PRR16: variants seen among roughly 807,000 people sequenced by gnomAD.
PRR16 encodes protein Largen.
In PRR16, 6 loss-of-function variants were observed where a neutral mutation model predicts 18.2. The observed-to-expected ratio is 0.33, with a 90% CI of 0.18 to 0.65. The LOEUF (loss-of-function observed/expected upper bound fraction) is 0.65, where lower values mean the gene tolerates loss of function less well. Among genes scored for constraint, PRR16 ranks in the 30% least tolerant of loss-of-function variants. The probability of loss-of-function intolerance (pLI) is 0.74; values close to 1 mark genes in which losing one functional copy is unlikely to be tolerated. For missense variants in PRR16, 412 were observed against 376.6 expected, an observed-to-expected ratio of 1.09 and a Z score of -0.78; for synonymous variants, 151 against 147.8, an observed-to-expected ratio of 1.02 and a Z score of -0.16.
At chr5:120,598,278 G>A (rs577767600) in intron 1 of PRR16, among the ~76,000 whole-genome samples, 2 of 151,750 alleles carry the variant, frequency 1.3e-5, no homozygotes, top group South Asian at 2.1e-4. Flanking sequence ...CAGCATAAAT[G>A]TAGGCAATTT....
At chr5:120,775,634 T>G in the PRR16 span, among the ~76,000 whole-genome samples, 35 of 142,784 alleles carry the variant, frequency 2.5e-4, no homozygotes, top group African/African-American at 5.8e-4. Flanking sequence ...TCTTTCTCCT[T>G]TTTTTTTTTT....
chr5:120,758,536 G>C, the PRR16 span, among the ~76,000 whole-genome samples: 5 of 152,088 alleles, frequency 3.3e-5, no homozygotes, highest in Non-Finnish European at 5.9e-5. Flanking sequence ...CATATTGAAG[G>C]GGGGATCTGC....
intron 1 of PRR16, among the ~76,000 whole-genome samples, chr5:120,672,613 G>T (rs1756649673): frequency 6.6e-6 from 1 of 151,848 alleles, no homozygotes; most frequent in Non-Finnish European, 1.5e-5. Flanking sequence ...GCAAGGCAAA[G>T]AATGGATTGA....
At chr5:120,466,394 A>G (rs1475830730) in intron 1 of PRR16, among the ~76,000 whole-genome samples, 2 of 152,212 alleles carry the variant, frequency 1.3e-5, no homozygotes, top group Non-Finnish European at 2.9e-5. Context: ...AGCGGCACAG[A>G]AACGTATTTA....
chr5:120,510,314 A>C (rs939678351), intron 1 of PRR16, among the ~76,000 whole-genome samples: 4 of 152,184 alleles, frequency 2.6e-5, no homozygotes, highest in African/African-American at 9.7e-5. Context: ...ATAACATTCA[A>C]CGTGTTACAT....
intron 1 of PRR16, among the ~76,000 whole-genome samples, chr5:120,562,875 CT>C (rs1441938403): frequency 2.0e-5 from 3 of 151,876 alleles, no homozygotes; most frequent in Non-Finnish European, 2.9e-5. Context: ...TTATTTTTTA[CT>C]GGTTCATTAG....
intron 1 of PRR16, among the ~76,000 whole-genome samples, chr5:120,685,607 G>A (rs980398594): frequency 3.3e-5 from 5 of 152,036 alleles, no homozygotes; most frequent in African/African-American, 1.2e-4. Context: ...CTTTCTGCAT[G>A]TTAAGCAGAA....
chr5:120,695,240 T>C, the PRR16 span, among the ~76,000 whole-genome samples: 1 of 152,200 alleles, frequency 6.6e-6, no homozygotes, highest in African/African-American at 2.4e-5. Context: ...TTATGTGATA[T>C]TGAAAATACA....
the PRR16 span, among the ~76,000 whole-genome samples, chr5:120,728,767 TTACTC>T: frequency 3.3e-5 from 5 of 152,156 alleles, no homozygotes; most frequent in African/African-American, 9.7e-5. Context: ...TTGGCATTGT[TTACTC>T]TACTTATTCT....
chr5:120,778,136 ACTG>A, the PRR16 span, among the ~76,000 whole-genome samples: 22 of 152,142 alleles, frequency 1.4e-4, no homozygotes, highest in African/African-American at 4.3e-4. Context: ...GGCAATAAAG[ACTG>A]CTGATCATTC....
intron 1 of PRR16, among the ~76,000 whole-genome samples, chr5:120,511,779 C>T (rs1248253809): frequency 2.0e-5 from 3 of 152,122 alleles, no homozygotes; most frequent in African/African-American, 7.2e-5. Context: ...GGAGAAATAG[C>T]ATTATCTTTT....
At chr5:120,474,315 A>C (rs1011221228) in intron 1 of PRR16, among the ~76,000 whole-genome samples, 2 of 152,132 alleles carry the variant, frequency 1.3e-5, no homozygotes, top group African/African-American at 4.8e-5. Context: ...TGTGCATTGT[A>C]GGATGGTTGG....
At chr5:120,705,080 A>T in the PRR16 span, among the ~76,000 whole-genome samples, 2 of 150,052 alleles carry the variant, frequency 1.3e-5, no homozygotes, top group Non-Finnish European at 3.0e-5. Context: ...GTCCATTGTA[A>T]AAAAAAAAGG....
chr5:120,758,606 A>C, the PRR16 span, among the ~76,000 whole-genome samples: 1 of 152,050 alleles, frequency 6.6e-6, no homozygotes, highest in Non-Finnish European at 1.5e-5. Context: ...ACAGTGAGGG[A>C]GTTCTCACAA....
chr5:120,747,431 A>T, the PRR16 span, among the ~76,000 whole-genome samples: 1 of 152,176 alleles, frequency 6.6e-6, no homozygotes, highest in African/African-American at 2.4e-5. Flanking sequence ...CTGCATTTTC[A>T]ATTAGATTGC....
chr5:120,724,447 A>C, the PRR16 span, among the ~76,000 whole-genome samples: 1 of 152,216 alleles, frequency 6.6e-6, no homozygotes, highest in African/African-American at 2.4e-5. Context: ...TGAGAAAATT[A>C]AATGTGTTTA....
intron 1 of PRR16, among the ~76,000 whole-genome samples, chr5:120,669,451 A>G (rs1756516099): frequency 6.6e-6 from 1 of 152,070 alleles, no homozygotes; most frequent in Admixed American, 6.6e-5. Flanking sequence ...TATGTGAATT[A>G]TTAACATTAG....
the PRR16 span, among the ~76,000 whole-genome samples, chr5:120,723,343 A>T: frequency 6.6e-6 from 1 of 152,002 alleles, no homozygotes; most frequent in African/African-American, 2.4e-5. Flanking sequence ...GCTTTTATAA[A>T]ACGTAAAACC....
At chr5:120,738,350 C>A in the PRR16 span, among the ~76,000 whole-genome samples, 3 of 151,752 alleles carry the variant, frequency 2.0e-5, no homozygotes, top group Non-Finnish European at 4.4e-5. Context: ...ACCTGGCCAG[C>A]CTAGTATCTG....
Sources: allele counts gnomAD v4.1 joint callset (sites outside exome capture counted in the v4.1 genomes callset), GRCh38; gene constraint gnomAD v4.1.1; transcripts MANE v1.5; gene names NCBI Gene and HGNC (gene_info 2026-07-23, HGNC 2026-07-21).